Variants in NDUFAF6 observed in about 807,000 individuals in gnomAD.
NDUFAF6 encodes NADH:ubiquinone oxidoreductase complex assembly factor 6.
A neutral mutation model predicts 40.8 loss-of-function variants in NDUFAF6; 45 were observed. That is an observed-to-expected ratio of 1.10 (90% confidence interval 0.87 to 1.42). NDUFAF6 has a LOEUF of 1.42. Ranked by LOEUF, NDUFAF6 falls within the 40% of genes most tolerant of loss-of-function variation. The pLI is 0.00. For synonymous variants in NDUFAF6, 185 were observed against 155.9 expected (o/e 1.19, Z -1.39); for missense variants, 435 against 418.5 (o/e 1.04, Z -0.34).
At chr8:94,902,734 C>T (rs1166479390) in intron 1 of NDUFAF6, among the ~76,000 whole-genome samples, 1 of 142,426 alleles carries the variant, frequency 7.0e-6, no homozygotes, top group Non-Finnish European at 1.5e-5. Flanking sequence ...CACTCTGTCA[C>T]CCCCAGGCTG....
chr8:94,995,925 A>G (rs932324594), intron 2 of NDUFAF6, among the ~76,000 whole-genome samples: 9 of 152,176 alleles, frequency 5.9e-5, no homozygotes, highest in African/African-American at 1.9e-4. Context: ...CTACAGGTGC[A>G]TGCCACCACG....
intron 1 of NDUFAF6, among the ~76,000 whole-genome samples, chr8:94,924,303 G>C (rs1267873737): frequency 6.6e-6 from 1 of 151,934 alleles, no homozygotes; most frequent in Non-Finnish European, 1.5e-5. Context: ...CTTGTGATCT[G>C]CCTGCCTCGG....
At chr8:94,916,271 A>T (rs1819118466) in intron 1 of NDUFAF6, among the ~76,000 whole-genome samples, 1 of 152,154 alleles carries the variant, frequency 6.6e-6, no homozygotes, top group South Asian at 2.1e-4. Context: ...GTCCTGACAA[A>T]ACAACAGAGG....
chr8:95,049,094 C>T (rs1330370159), intron 7 of NDUFAF6, among the ~76,000 whole-genome samples: 1 of 152,204 alleles, frequency 6.6e-6, no homozygotes, highest in African/African-American at 2.4e-5. Context: ...CACCTTGGCA[C>T]TGCTCATCAT....
At chr8:95,002,137 C>G (rs1563782110) in intron 2 of NDUFAF6, among the ~76,000 whole-genome samples, 1 of 152,180 alleles carries the variant, frequency 6.6e-6, no homozygotes, top group South Asian at 2.1e-4. Flanking sequence ...TTTATATTTC[C>G]AGAATATTTG....
intron 2 of NDUFAF6, among the ~76,000 whole-genome samples, chr8:94,984,893 G>T (rs912509138): frequency 6.6e-6 from 1 of 152,164 alleles, no homozygotes; most frequent in Admixed American, 6.5e-5. Context: ...GGTTAAAGGC[G>T]TAGGTTCTGT....
chr8:94,937,428 G>A (rs1402229353), intron 1 of NDUFAF6, among the ~76,000 whole-genome samples: 1 of 146,158 alleles, frequency 6.8e-6, no homozygotes, highest in Non-Finnish European at 1.5e-5. Context: ...GTGACACAGT[G>A]AGACTCCATC....
At chr8:94,948,677 C>A (rs574141454) in intron 2 of NDUFAF6, among the ~76,000 whole-genome samples, 3 of 152,262 alleles carry the variant, frequency 2.0e-5, no homozygotes, top group African/African-American at 7.2e-5. Flanking sequence ...TTCGGAGATG[C>A]GTCCCGGGGG....
chr8:95,083,915 G>A (rs1808958390), intron 2 of NDUFAF6, among the ~76,000 whole-genome samples: 1 of 152,128 alleles, frequency 6.6e-6, no homozygotes, highest in Non-Finnish European at 1.5e-5. Flanking sequence ...AAAAAGACAA[G>A]CATAATGTTT....
chr8:94,980,448 T>TTTG (rs1825332749), intron 1 of NDUFAF6, among the ~76,000 whole-genome samples: 1 of 144,170 alleles, frequency 6.9e-6, no homozygotes, highest in African/African-American at 2.6e-5. Context: ...TTTTGTTTTT[T>TTTG]TTTTTTTTTT....
At chr8:94,963,261 A>C (rs946487321) in intron 1 of NDUFAF6, among the ~76,000 whole-genome samples, 2 of 152,240 alleles carry the variant, frequency 1.3e-5, no homozygotes, top group Admixed American at 6.5e-5. Flanking sequence ...ATGGCATTTA[A>C]CAAGCATTTT....
chr8:95,066,287 C>CTTTTTTTT (rs11302193), intron 9 of NDUFAF6, among the ~76,000 whole-genome samples: 3 of 82,920 alleles, frequency 3.6e-5, no homozygotes, highest in African/African-American at 1.5e-4. Flanking sequence ...TGCTTGCTTG[C>CTTTTTTTT]TTTTTTTTTT....
intron 1 of NDUFAF6, among the ~76,000 whole-genome samples, chr8:94,976,314 G>C (rs1239982557): frequency 6.6e-6 from 1 of 152,044 alleles, no homozygotes; most frequent in Non-Finnish European, 1.5e-5. Context: ...GACCATCCTA[G>C]CCAACGTGGT....
intron 1 of NDUFAF6, chr8:94,927,041 A>G (rs908485530): frequency 1.3e-5 from 2 of 152,422 alleles, no homozygotes; most frequent in Admixed American, 1.3e-4. Flanking sequence ...AAGTAACATT[A>G]CAAACATATA....
chr8:94,986,141 A>G (rs1174129898), intron 2 of NDUFAF6, among the ~76,000 whole-genome samples: 4 of 152,104 alleles, frequency 2.6e-5, no homozygotes, highest in Non-Finnish European at 4.4e-5. Context: ...CCAAAGTGCT[A>G]GGATTATAGG....
chr8:95,106,147 C>T (rs1026686864), downstream of NDUFAF6, among the ~76,000 whole-genome samples: 1 of 151,954 alleles, frequency 6.6e-6, no homozygotes, highest in African/African-American at 2.4e-5. Context: ...TGGTGGCAGG[C>T]ACCTGTGGTC....
intron 2 of NDUFAF6, among the ~76,000 whole-genome samples, chr8:95,101,572 T>G (rs945770383): frequency 1.3e-5 from 2 of 152,190 alleles, no homozygotes; most frequent in Non-Finnish European, 2.9e-5. Flanking sequence ...CCTAATTTGG[T>G]CATCATATGA....
chr8:94,904,259 T>C (rs1818225172), intron 1 of NDUFAF6, among the ~76,000 whole-genome samples: 1 of 143,858 alleles, frequency 7.0e-6, no homozygotes, highest in Non-Finnish European at 1.5e-5. Context: ...TTCTCCTGCC[T>C]CAGCCTCCCG....
chr8:94,959,787 G>A (rs745555587), intron 1 of NDUFAF6, among the ~76,000 whole-genome samples: 1 of 152,080 alleles, frequency 6.6e-6, no homozygotes, highest in South Asian at 2.1e-4. Context: ...TGATCCTCTC[G>A]CCTTGCCCTC....
Sources: allele counts gnomAD v4.1 joint callset (sites outside exome capture counted in the v4.1 genomes callset), GRCh38; gene constraint gnomAD v4.1.1; transcripts MANE v1.5; gene names NCBI Gene and HGNC (gene_info 2026-07-23, HGNC 2026-07-21).